The following CSRNP3 variants were observed in gnomAD, a reference collection of about 807,000 sequenced individuals.
The protein encoded by CSRNP3 is cysteine and serine rich nuclear protein 3, also known as cysteine/serine-rich nuclear protein 3.
A neutral mutation model predicts 48.0 loss-of-function variants in CSRNP3; 12 were observed. The observed-to-expected ratio is 0.25, with a 90% CI of 0.16 to 0.41. The LOEUF (loss-of-function observed/expected upper bound fraction) is 0.41, where lower values mean the gene tolerates loss of function less well. CSRNP3 is among the 10% of genes least tolerant of loss of function. CSRNP3 has a pLI of 1.00. For missense variants in CSRNP3, 580 were observed against 724.4 expected (o/e 0.80, Z 2.29); for synonymous variants, 263 against 269.7 (o/e 0.98, Z 0.24).
intron 5 of CSRNP3, among the ~76,000 whole-genome samples, chr2:165,674,710 ATAT>A (rs1318086627): frequency 3.4e-3 from 469 of 139,542 alleles, no homozygotes; most frequent in Non-Finnish European, 5.8e-3. Flanking sequence ...ATATATATAT[ATAT>A]AATTTGTTTA....
intron 4 of CSRNP3, among the ~76,000 whole-genome samples, chr2:165,654,844 G>A (rs2105344772): frequency 6.6e-6 from 1 of 152,222 alleles, no homozygotes; most frequent in Middle Eastern, 3.4e-3. Context: ...TAGCCAGGAT[G>A]GTCTCGAATT....
At chr2:165,586,603 T>C (rs573822694) in intron 3 of CSRNP3, among the ~76,000 whole-genome samples, 1 of 152,322 alleles carries the variant, frequency 6.6e-6, no homozygotes, top group African/African-American at 2.4e-5. Context: ...TACCTGCTCC[T>C]CAGACATGGG....
chr2:165,472,264 A>G (rs537919890), intron 1 of CSRNP3, among the ~76,000 whole-genome samples: 2 of 152,130 alleles, frequency 1.3e-5, no homozygotes, highest in African/African-American at 4.8e-5. Flanking sequence ...TTAACGTCCA[A>G]ACCATGTTTC....
At chr2:165,519,530 CAAGTA>C (rs1325639829) in intron 3 of CSRNP3, among the ~76,000 whole-genome samples, 49 of 152,100 alleles carry the variant, frequency 3.2e-4, no homozygotes, top group Admixed American at 1.7e-3. Flanking sequence ...GAAGTTAATG[CAAGTA>C]AAGTAATTTA....
chr2:165,674,196 A>T (rs754568273), intron 5 of CSRNP3, among the ~76,000 whole-genome samples: 4 of 152,178 alleles, frequency 2.6e-5, no homozygotes, highest in Non-Finnish European at 4.4e-5. Context: ...TGGGTGTGCT[A>T]CATGTGCTGA....
At chr2:165,647,429 G>A (rs1686832230) in intron 4 of CSRNP3, among the ~76,000 whole-genome samples, 1 of 152,142 alleles carries the variant, frequency 6.6e-6, no homozygotes, top group Non-Finnish European at 1.5e-5. Context: ...AATAATGTAT[G>A]TTCCATATGT....
chr2:165,596,133 T>G (rs1232724220), intron 4 of CSRNP3, among the ~76,000 whole-genome samples: 1 of 140,444 alleles, frequency 7.1e-6, no homozygotes, highest in African/African-American at 2.9e-5. Context: ...GTTTTCTTTT[T>G]GATTTTTTTT....
intron 3 of CSRNP3, among the ~76,000 whole-genome samples, chr2:165,533,712 C>T (rs1301645228): frequency 6.6e-6 from 1 of 151,872 alleles, no homozygotes; most frequent in Non-Finnish European, 1.5e-5. Flanking sequence ...TTTTTCTATT[C>T]AAGGATGCTT....
intron 5 of CSRNP3, among the ~76,000 whole-genome samples, chr2:165,662,113 T>G: frequency 1.8e-5 from 1 of 56,224 alleles, no homozygotes; most frequent in East Asian, 6.6e-4. Flanking sequence ...AGTACATCTA[T>G]AGATGTTATT....
At chr2:165,508,120 G>T (rs1305963514) in intron 2 of CSRNP3, among the ~76,000 whole-genome samples, 1 of 151,692 alleles carries the variant, frequency 6.6e-6, no homozygotes, top group Non-Finnish European at 1.5e-5. Context: ...TTTTAGAATC[G>T]ATTTCTATTT....
intron 2 of CSRNP3, among the ~76,000 whole-genome samples, chr2:165,511,837 C>T (rs1684510331): frequency 6.6e-6 from 1 of 152,142 alleles, no homozygotes; most frequent in African/African-American, 2.4e-5. Context: ...TTTCATGTAT[C>T]CTACATTTTC....
chr2:165,561,176 T>C (rs1055205420), intron 3 of CSRNP3, among the ~76,000 whole-genome samples: 1 of 152,204 alleles, frequency 6.6e-6, no homozygotes, highest in Non-Finnish European at 1.5e-5. Context: ...AAAAGAGCAT[T>C]AGTTTAAACT....
intron 4 of CSRNP3, among the ~76,000 whole-genome samples, chr2:165,618,972 C>A (rs1396288849): frequency 1.3e-5 from 2 of 151,958 alleles, no homozygotes; most frequent in East Asian, 3.9e-4. Context: ...TTAGACATAC[C>A]CTTCCTTTTC....
At chr2:165,584,581 A>C (rs558210608) in intron 3 of CSRNP3, among the ~76,000 whole-genome samples, 1 of 152,328 alleles carries the variant, frequency 6.6e-6, no homozygotes, top group African/African-American at 2.4e-5. Context: ...CTGTGCAAAG[A>C]ATATGAGAGT....
Position 165,657,804 on chromosome 2 carries a change from T to G in CSRNP3, c.192T>G (p.Asn64Lys). 2 of 1,614,110 alleles carry G rather than the reference T, an allele frequency of 1.2e-6. No individual in the cohort carries two copies. The highest frequency in any genetic ancestry group is 1.7e-6 in the Non-Finnish European group (2 of 1,179,990). Reference sequence around the variant, plus strand: ...GGGAGAAACGACTGAGGACAAAGAATGTACATTTTAGTTGTGTCACCGTGT... The same window carrying G: ...GGGAGAAACGACTGAGGACAAAGAAGGTACATTTTAGTTGTGTCACCGTGT... ...LKREKRLRTK[N>K]VHFSCVTVYY... is the part of the protein sequence containing the mutation. Residue 64 changes from asparagine (N) to lysine (K), a missense_variant, in exon 5 of 7, where the codon AAT becomes AAG. By Grantham distance (94) the Asn-to-Lys change is moderately conservative. Transcript: ENST00000651982.
At chr2:165,614,424 C>T (rs560457997) in intron 4 of CSRNP3, among the ~76,000 whole-genome samples, 3 of 152,118 alleles carry the variant, frequency 2.0e-5, no homozygotes, top group Non-Finnish European at 2.9e-5. Flanking sequence ...TCCTTTATTT[C>T]TCTTGCCCAA....
chr2:165,598,959 G>A (rs1685854647), intron 4 of CSRNP3, among the ~76,000 whole-genome samples: 1 of 152,058 alleles, frequency 6.6e-6, no homozygotes, highest in Admixed American at 6.6e-5. Flanking sequence ...GATCTGAGAG[G>A]TTGGGCACAG....
chr2:165,563,184 A>G (rs1308145997), intron 3 of CSRNP3, among the ~76,000 whole-genome samples: 3 of 152,198 alleles, frequency 2.0e-5, no homozygotes, highest in African/African-American at 4.8e-5. Context: ...CAAACTAAAT[A>G]TGGCTGAGAA....
At chr2:165,513,500 G>T (rs1204205098) in intron 2 of CSRNP3, among the ~76,000 whole-genome samples, 1 of 152,178 alleles carries the variant, frequency 6.6e-6, no homozygotes, top group Admixed American at 6.5e-5. Context: ...TGGCAAAAGA[G>T]ATTTTTTTAA....
Sources: allele counts gnomAD v4.1 joint callset (sites outside exome capture counted in the v4.1 genomes callset), GRCh38; gene constraint gnomAD v4.1.1; transcripts MANE v1.5; gene names NCBI Gene and HGNC (gene_info 2026-07-23, HGNC 2026-07-21).